The following PDE1A variants were observed in gnomAD, a reference collection of about 807,000 sequenced individuals.
The protein encoded by PDE1A is phosphodiesterase 1A.
A neutral mutation model predicts 61.7 loss-of-function variants in PDE1A; 35 were observed. The observed-to-expected ratio is 0.57, with a 90% CI of 0.43 to 0.75. PDE1A has a LOEUF of 0.75. Among genes scored for constraint, PDE1A ranks in the 30% least tolerant of loss-of-function variants. The pLI, the probability that PDE1A is intolerant of heterozygous loss-of-function variation, is 0.00. For missense variants in PDE1A, 597 were observed against 630.6 expected, an observed-to-expected ratio of 0.95 and a Z score of 0.57; for synonymous variants, 232 against 213.2, an observed-to-expected ratio of 1.09 and a Z score of -0.77.
At chr2:182,673,469 G>GA in the PDE1A span, among the ~76,000 whole-genome samples, 2 of 152,034 alleles carry the variant, frequency 1.3e-5, no homozygotes, top group Non-Finnish European at 2.9e-5. Flanking sequence ...AATACATCTA[G>GA]ATGTAGACAA....
At chr2:182,615,813 A>T in the PDE1A span, among the ~76,000 whole-genome samples, 2 of 152,106 alleles carry the variant, frequency 1.3e-5, no homozygotes, top group African/African-American at 4.8e-5. Flanking sequence ...GGGAGAAGGA[A>T]GAGGGACTCA....
chr2:182,509,057 G>A (rs1689619069), intron 2 of PDE1A, among the ~76,000 whole-genome samples: 1 of 150,588 alleles, frequency 6.6e-6, no homozygotes, highest in Admixed American at 6.6e-5. Context: ...GAGAATATGT[G>A]GTGTTAGAAT....
chr2:182,152,245 T>C (rs1025950116), intron 13 of PDE1A, among the ~76,000 whole-genome samples: 10 of 152,140 alleles, frequency 6.6e-5, no homozygotes, highest in Non-Finnish European at 1.3e-4. Flanking sequence ...AATAAATTGG[T>C]GATCAAAGAT....
chr2:182,681,959 T>TCAAAACAAGTATAATAGCG, the PDE1A span, among the ~76,000 whole-genome samples: 1 of 152,328 alleles, frequency 6.6e-6, no homozygotes, highest in African/African-American at 2.4e-5. Context: ...TCTTTCTCTT[T>TCAAAACAAGTATAATAGCG]GATTATAAGA....
chr2:182,255,527 A>C (rs1459755436), intron 2 of PDE1A, among the ~76,000 whole-genome samples: 1 of 152,182 alleles, frequency 6.6e-6, no homozygotes, highest in South Asian at 2.1e-4. Flanking sequence ...TAAGCAGCTG[A>C]GTTTAAAATG....
intron 1 of PDE1A, among the ~76,000 whole-genome samples, chr2:182,285,974 G>T (rs999915527): frequency 6.6e-6 from 1 of 152,120 alleles, no homozygotes; most frequent in African/African-American, 2.4e-5. Flanking sequence ...GTAAGTCTTA[G>T]TGTTTTCATC....
At chr2:182,232,285 A>G (rs1160438414) in intron 4 of PDE1A, among the ~76,000 whole-genome samples, 1 of 152,190 alleles carries the variant, frequency 6.6e-6, no homozygotes, top group Non-Finnish European at 1.5e-5. Context: ...GTCCATTCTA[A>G]TGGTTATCAG....
intron 2 of PDE1A, among the ~76,000 whole-genome samples, chr2:182,453,883 C>A (rs1343079047): frequency 6.6e-6 from 1 of 152,068 alleles, no homozygotes; most frequent in Non-Finnish European, 1.5e-5. Context: ...TCTCTCACCA[C>A]TCCTATTCAA....
the PDE1A span, among the ~76,000 whole-genome samples, chr2:182,593,301 T>C: frequency 1.3e-5 from 2 of 152,244 alleles, no homozygotes; most frequent in Admixed American, 6.5e-5. Context: ...GGGATTAAAC[T>C]GGGCAAGTCT....
At chr2:182,374,320 G>T (rs1396162494) in intron 1 of PDE1A, among the ~76,000 whole-genome samples, 4 of 151,828 alleles carry the variant, frequency 2.6e-5, no homozygotes, top group Non-Finnish European at 4.4e-5. Flanking sequence ...CCATAGATAA[G>T]AATTATTTCA....
the PDE1A span, among the ~76,000 whole-genome samples, chr2:182,711,331 T>G: frequency 6.6e-6 from 1 of 151,974 alleles, no homozygotes; most frequent in Non-Finnish European, 1.5e-5. Flanking sequence ...GAGAACCAGT[T>G]TCCTTACTGT....
intron 1 of PDE1A, among the ~76,000 whole-genome samples, chr2:182,388,091 C>A (rs918854492): frequency 1.3e-5 from 2 of 151,994 alleles, no homozygotes; most frequent in Non-Finnish European, 2.9e-5. Flanking sequence ...CAAAGAAGAT[C>A]ATTATATAAT....
chr2:182,667,819 T>C, the PDE1A span, among the ~76,000 whole-genome samples: 3 of 152,218 alleles, frequency 2.0e-5, no homozygotes, highest in African/African-American at 7.2e-5. Context: ...TGAGAGATTT[T>C]ATAAGTTCCA....
At chr2:182,190,425 G>C (rs1158393508) in intron 10 of PDE1A, among the ~76,000 whole-genome samples, 1 of 152,222 alleles carries the variant, frequency 6.6e-6, no homozygotes, top group East Asian at 1.9e-4. Flanking sequence ...AGAGTCAGAA[G>C]ATACAGTCAG....
chr2:182,652,852 T>C, the PDE1A span, among the ~76,000 whole-genome samples: 1 of 152,224 alleles, frequency 6.6e-6, no homozygotes, highest in African/African-American at 2.4e-5. Flanking sequence ...CTTTTGCTGA[T>C]ATAGGTTGCT....
chr2:182,169,891 GACACACACAC>G (rs748862736), intron 13 of PDE1A, among the ~76,000 whole-genome samples: 32 of 140,096 alleles, frequency 2.3e-4, no homozygotes, highest in Middle Eastern at 7.0e-3. Flanking sequence ...GTGGACAGGA[GACACACACAC>G]ACACACACAC....
At chr2:182,407,406 G>T (rs1479206084) in intron 1 of PDE1A, among the ~76,000 whole-genome samples, 1 of 151,412 alleles carries the variant, frequency 6.6e-6, no homozygotes, top group African/African-American at 2.4e-5. Context: ...TTTTGAGATG[G>T]AGTCTTGCTC....
the PDE1A span, among the ~76,000 whole-genome samples, chr2:182,565,323 G>C: frequency 2.6e-5 from 4 of 152,202 alleles, no homozygotes; most frequent in African/African-American, 7.2e-5. Flanking sequence ...GTCCACTCCA[G>C]ACCCTGTTTG....
chr2:182,636,226 G>A, the PDE1A span, among the ~76,000 whole-genome samples: 7 of 152,002 alleles, frequency 4.6e-5, no homozygotes, highest in Admixed American at 2.0e-4. Context: ...CCAAAGTGCT[G>A]GGATTACAGG....
Sources: allele counts gnomAD v4.1 joint callset (sites outside exome capture counted in the v4.1 genomes callset), GRCh38; gene constraint gnomAD v4.1.1; transcripts MANE v1.5; gene names NCBI Gene and HGNC (gene_info 2026-07-23, HGNC 2026-07-21).